The following SMTNL1 variants were observed in gnomAD, a reference collection of about 807,000 sequenced individuals.
The protein encoded by SMTNL1 is smoothelin like 1.
In SMTNL1, 41 loss-of-function variants were observed where a neutral mutation model predicts 46.6. The observed-to-expected ratio is 0.88, with a 90% CI of 0.69 to 1.14. The LOEUF is 1.14. Ranked by LOEUF, SMTNL1 falls within the 50% of genes most tolerant of loss-of-function variation. The pLI, the probability that SMTNL1 is intolerant of heterozygous loss-of-function variation, is 0.00. For missense variants in SMTNL1, 591 were observed against 626.1 expected (o/e 0.94, Z 0.60); for synonymous variants, 234 against 234.2 (o/e 1.00, Z 0.01).
intron 3 of SMTNL1, 44 bp downstream of exon 3, chr11:57,543,800 T>C (rs775384781): frequency 1.3e-6 from 2 of 1,556,564 alleles, no homozygotes; most frequent in South Asian, 1.2e-5. Flanking sequence ...AGAGGCCACC[T>C]GGGGGAGGGG....
chr11:57,543,357 G>A lies in SMTNL1; in HGVS notation c.715G>A (p.Glu239Lys). ...GGAGGCTGATGCAAAAGAGGAGGCGGAGGATGCAGAGGAGGCAGTGAGTGA... is the reference window on the plus strand; with the variant it reads ...GGAGGCTGATGCAAAAGAGGAGGCGAAGGATGCAGAGGAGGCAGTGAGTGA... ...KEEADAKEEA[E>K]DAEEAEPGSP... Residue 239 changes from glutamate to lysine, a missense_variant, in exon 2 of 8, where the codon GAG becomes AAG. Glu to Lys is a moderately conservative substitution (Grantham distance 56). Transcript: ENST00000527972. 2.5e-6 allele frequency: 4 copies of A among 1,613,718 alleles called. No individual in the cohort carries two copies. Among genetic ancestry groups the A allele is most frequent in the Non-Finnish European group, 3.4e-6 (4 of 1,179,712 alleles).
At chr11:57,538,556 C>G (rs2135259318) in intron 1 of SMTNL1, among the ~76,000 whole-genome samples, 1 of 152,372 alleles carries the variant, frequency 6.6e-6, no homozygotes, top group East Asian at 1.9e-4. Flanking sequence ...TCTGACTGCC[C>G]TTCCCAACTG....
intron 4 of SMTNL1, 83 bp from the exon 5 acceptor site, chr11:57,545,798 C>A: frequency 5.8e-6 from 7 of 1,214,596 alleles, no homozygotes; most frequent in Non-Finnish European, 8.1e-6. Flanking sequence ...GTGCCACCCA[C>A]CCTCCAGCCC....
rs1451633949 is a variant in SMTNL1, at chr11:57,543,867, A to G, written c.866-2A>G. ...TCCCTCCCTCCTTTCACTTTCCTCC[A>G]GATGGGCTGGGTCCAGACTGTGTAG... On this transcript the variant is annotated splice_acceptor_variant, in intron 3 of 7. Transcript: ENST00000527972. LOFTEE classifies it high-confidence loss of function. 3 of 1,591,644 alleles carry G rather than the reference A, an allele frequency of 1.9e-6. No homozygotes were observed. The African/African-American group carries it at 4.0e-5, about 21-fold the overall frequency.
Position 57,542,905 on chromosome 11 carries a change from AG to A in SMTNL1, c.265del (p.Asp89MetfsTer23). 1 of 1,608,724 alleles carries A rather than the reference AG, an allele frequency of 6.2e-7. No homozygotes were observed. On this transcript the variant is annotated frameshift_variant, in exon 2 of 8. Transcript: ENST00000527972. LOFTEE classifies it high-confidence loss of function. ...TCTCAGAGGGAGGCTGGTGGGAAAG[AG>A]GATGCTGAGGCTGAACTTAAAAAGG... ...VESQREAGGK[E>X]DAEAELKKED...
intron 1 of SMTNL1, among the ~76,000 whole-genome samples, chr11:57,538,138 A>G (rs1388342649): frequency 2.0e-5 from 3 of 151,966 alleles, no homozygotes; most frequent in Non-Finnish European, 4.4e-5. Flanking sequence ...TGGCTCAAGG[A>G]AGCCAAAAGA....
In SMTNL1 at chr11:57,542,778, C is replaced by G. The variant is rs756922713; in HGVS notation, c.136C>G (p.Pro46Ala). The G allele has an allele frequency of 6.2e-7, 1 of 1,613,916 alleles. No individual in the cohort carries two copies. Among genetic ancestry groups the G allele is most frequent in the South Asian group, 1.1e-5 (1 of 91,054 alleles). ...AGCTGGAAAGGCCATCAATGAGGGG[C>G]CTCCCACTGAGTCAGGAAAGCAGGA... ...GTAGKAINEG[P>A]PTESGKQEKA... is the part of the protein sequence containing the mutation. Residue 46 changes from proline to alanine, a missense_variant, in exon 2 of 8, where the codon CCT (proline) becomes GCT (alanine). Physicochemically the swap from Pro to Ala is conservative, Grantham distance 27 (BLOSUM62 -1). Transcript: ENST00000527972.
Position 57,545,994 on chromosome 11 carries a change from C to T in SMTNL1, c.1031C>T (p.Pro344Leu). ...TCAGCCCCTGCTCGGCCCCGGGGGC[C>T]CCGGGCACAGAACCGCAAAGCCATC... ...RVSAPARPRG[P>L]RAQNRKAIVD... Residue 344 changes from proline (P) to leucine (L), a missense_variant, in exon 5 of 8, where the codon CCC becomes CTC. By Grantham distance (98) the Pro-to-Leu change is moderately conservative. Coordinates refer to ENST00000527972, the MANE Select transcript of SMTNL1 (RefSeq NM_001105565.3). 5.0e-6 allele frequency: 8 copies of T among 1,605,832 alleles called. No homozygotes were observed. Among genetic ancestry groups the T allele is most frequent in the Non-Finnish European group, 6.8e-6 (8 of 1,176,722 alleles).
chr11:57,540,715 CT>C (rs370179940), intron 1 of SMTNL1, among the ~76,000 whole-genome samples: 215 of 144,752 alleles, frequency 1.5e-3, no homozygotes, highest in Middle Eastern at 7.2e-3. Context: ...CATCTTCCCT[CT>C]TTTTTTTTTT....
intron 4 of SMTNL1, among the ~76,000 whole-genome samples, chr11:57,544,171 T>C (rs1391844211): frequency 6.6e-6 from 1 of 152,170 alleles, no homozygotes; most frequent in Non-Finnish European, 1.5e-5. Context: ...CCTGAGGTCA[T>C]GAGTTCGAGA....
intron 1 of SMTNL1, among the ~76,000 whole-genome samples, chr11:57,539,467 C>T (rs1944856853): frequency 6.6e-6 from 1 of 152,232 alleles, no homozygotes; most frequent in Non-Finnish European, 1.5e-5. Context: ...GTTCTCTCTG[C>T]CTTGACTCAC....
intron 7 of SMTNL1, among the ~76,000 whole-genome samples, chr11:57,547,406 GAGA>G (rs542121153): frequency 1.3e-3 from 205 of 152,368 alleles, no homozygotes; most frequent in African/African-American, 4.6e-3. Flanking sequence ...GGGATGTGTG[GAGA>G]AGGAGAGAGG....
intron 1 of SMTNL1, chr11:57,541,639 C>A: frequency 7.6e-7 from 1 of 1,313,146 alleles, no homozygotes; most frequent in Non-Finnish European, 1.0e-6. Context: ...GTAGAGCTGG[C>A]AAAGCTCCAG....
At chr11:57,549,549 C>G (rs1325625744) in intron 7 of SMTNL1, among the ~76,000 whole-genome samples, 1 of 151,928 alleles carries the variant, frequency 6.6e-6, no homozygotes, top group African/African-American at 2.4e-5. Flanking sequence ...TTTGGAGAAG[C>G]TCCCATTCTC....
intron 4 of SMTNL1, 80 bp from the exon 5 acceptor site, chr11:57,545,801 T>G: frequency 3.8e-6 from 2 of 523,544 alleles, no homozygotes; most frequent in Non-Finnish European, 3.4e-6. Flanking sequence ...CCACCCACCC[T>G]CCAGCCCCAC....
At position 57,542,700 on chromosome 11, in the gene SMTNL1, G is replaced by T; in HGVS notation, c.58G>T (p.Asp20Tyr). The T allele has an allele frequency of 6.2e-7, 1 of 1,613,886 alleles. No individual in the cohort carries two copies. The highest frequency in any genetic ancestry group is 2.2e-5 in the East Asian group (1 of 44,890). The change falls in exon 2 of 8, where the codon GAC (aspartate) becomes TAC (tyrosine). Residue 20 changes from aspartate to tyrosine, a missense_variant. Transcript: ENST00000527972. ...EDGTTVSPAA[D>Y]NPEMSGGGAP... ...TGGGACCACCGTCTCCCCAGCTGCG[G>T]ACAACCCTGAGATGTCAGGAGGTGG...
In SMTNL1 at chr11:57,546,008, C is replaced by G; in HGVS notation, c.1045C>G (p.Arg349Gly). Residue 349 changes from arginine to glycine, a missense_variant, in exon 5 of 8, where the codon CGC becomes GGC. By Grantham distance (125) the Arg-to-Gly change is moderately radical. Coordinates refer to ENST00000527972, the MANE Select transcript of SMTNL1 (RefSeq NM_001105565.3). ...GCCCCGGGGGCCCCGGGCACAGAAC[C>G]GCAAAGCCATCGTGGACAAGTTTGG... ...ARPRGPRAQNRKAIVDKFGGA... is the reference protein window; with the variant it reads ...ARPRGPRAQNGKAIVDKFGGA... 1 of 1,597,678 alleles carries G rather than the reference C, an allele frequency of 6.3e-7. No individual in the cohort carries two copies. Among genetic ancestry groups the G allele is most frequent in the Non-Finnish European group, 8.5e-7 (1 of 1,172,780 alleles).
intron 1 of SMTNL1, chr11:57,541,383 C>A: frequency 3.0e-6 from 2 of 665,310 alleles, no homozygotes; most frequent in Admixed American, 3.4e-5. Flanking sequence ...ACTACACCCC[C>A]CAAAAAGGGC....
chr11:57,540,841 G>C (rs1315772355), intron 1 of SMTNL1, among the ~76,000 whole-genome samples: 2 of 152,030 alleles, frequency 1.3e-5, no homozygotes, highest in Admixed American at 1.3e-4. Context: ...CTCCCAAGTA[G>C]CTGGGATTAC....
Sources: gnomAD v4.1 joint callset for allele counts (sites outside exome capture counted in the v4.1 genomes callset) on GRCh38, gnomAD v4.1.1 for gene constraint, MANE v1.5 for transcripts, NCBI Gene and HGNC (gene_info 2026-07-23, HGNC 2026-07-21) for gene names.